VWA3B: variants seen among roughly 807,000 people sequenced by gnomAD.
VWA3B encodes the protein von Willebrand factor A domain-containing protein 3B.
A neutral mutation model predicts 158.3 loss-of-function variants in VWA3B; 138 were observed. The ratio of observed to expected loss-of-function variants is 0.87; its 90% CI spans 0.76 to 1.00. The LOEUF is 1.00. Ranked by LOEUF, VWA3B falls within the 50% of genes least tolerant of loss-of-function variation. The pLI, the probability that VWA3B is intolerant of heterozygous loss-of-function variation, is 0.00. For synonymous variants in VWA3B, 596 were observed against 587.3 expected (o/e 1.01, Z -0.21); for missense variants, 1,555 against 1,565.1 (o/e 0.99, Z 0.11).
chr2:98,149,444 AG>A, intron 7 of VWA3B, among the ~76,000 whole-genome samples: 1 of 152,284 alleles, frequency 6.6e-6, no homozygotes, highest in Non-Finnish European at 1.5e-5. Context: ...CACCCTCTAG[AG>A]GTTTCTCATT....
At chr2:98,244,375 A>G (rs1468089421) in intron 19 of VWA3B, among the ~76,000 whole-genome samples, 2 of 151,974 alleles carry the variant, frequency 1.3e-5, no homozygotes, top group Non-Finnish European at 2.9e-5. Context: ...TGGTATTTCA[A>G]TTTCAATTTC....
intron 15 of VWA3B, among the ~76,000 whole-genome samples, chr2:98,228,720 G>A (rs1329156210): frequency 1.6e-4 from 25 of 152,236 alleles, no homozygotes; most frequent in Non-Finnish European, 7.4e-5. Context: ...TCTCCATTGC[G>A]TGGGTCTCTG....
chr2:98,210,635 T>A lies in VWA3B; in HGVS notation c.1738-1295T>A, dbSNP rs1482708002. Reference sequence around the variant, plus strand: ...GTCTGAGAAAGTCTTAATGGGAGAGTGCCCATGGTATATGGTGAGGCCTGA... The same window carrying A: ...GTCTGAGAAAGTCTTAATGGGAGAGAGCCCATGGTATATGGTGAGGCCTGA... On this transcript the variant is annotated intron_variant, in intron 12 of 27. Transcript: ENST00000477737. 3.3e-5 allele frequency among the ~76,000 whole-genome samples: 5 copies of A among 152,092 alleles called. No individual in the cohort carries two copies. The East Asian group carries it at 9.7e-4, about 29-fold the overall frequency.
intron 22 of VWA3B, among the ~76,000 whole-genome samples, chr2:98,276,906 C>T (rs540548118): frequency 1.3e-5 from 2 of 152,294 alleles, no homozygotes; most frequent in East Asian, 3.9e-4. Context: ...TTGCCGATTC[C>T]TAAGTTTGGG....
chr2:98,153,551 A>G lies in VWA3B; in HGVS notation c.989-9300A>G, dbSNP rs534062160. ...AAAATAACCAAGTCATGTTCCTGGC[A>G]GACACCTGTGATCTCTAATTAGGTA... On this transcript the variant is annotated intron_variant, in intron 7 of 27. Coordinates refer to ENST00000477737, the MANE Select transcript of VWA3B (RefSeq NM_144992.5). Among the ~76,000 whole-genome samples, 118 of 152,356 alleles carry G rather than the reference A, an allele frequency of 7.7e-4. 1 individual carries two copies. The highest frequency in any genetic ancestry group is 2.5e-3 in the African/African-American group (105 of 41,580).
chr2:98,283,963 G>T (rs1264813528), intron 22 of VWA3B, among the ~76,000 whole-genome samples: 6 of 152,182 alleles, frequency 3.9e-5, no homozygotes, highest in African/African-American at 1.4e-4. Flanking sequence ...GCATTAGAAA[G>T]AATGCTTAGG....
At chr2:98,104,711 A>G (rs1479599803) in intron 2 of VWA3B, among the ~76,000 whole-genome samples, 3 of 152,228 alleles carry the variant, frequency 2.0e-5, no homozygotes, top group Non-Finnish European at 4.4e-5. Context: ...TATTTGTCCA[A>G]TCTTTTTCTT....
rs1319541965 is a variant in VWA3B at position 98,135,353 on chromosome 2, T to G, written c.988+1414T>G. Among the ~76,000 whole-genome samples, 5 of 78,504 alleles carry G rather than the reference T, an allele frequency of 6.4e-5. No individual in the cohort carries two copies. In the East Asian group the frequency reaches 1.6e-3, roughly 26 times the overall value. The allele number at this position is 78,504 out of a possible 152,430, so 51.5% of individuals were successfully genotyped here. A position where few individuals can be genotyped will look rare whatever the true frequency, so the allele number is the denominator to read the frequency against. ...TTTTTTTTTTTTTTTTTTTTTTTTTTGAGACAGAGTCTCGCTCTGTCGCCC... is the reference window on the plus strand; with the variant it reads ...TTTTTTTTTTTTTTTTTTTTTTTTTGGAGACAGAGTCTCGCTCTGTCGCCC... On this transcript the variant is annotated intron_variant, in intron 7 of 27. Transcript: ENST00000477737.
intron 21 of VWA3B, 120 bp downstream of exon 21, chr2:98,256,294 C>T (rs1687141341): frequency 8.7e-7 from 1 of 1,149,174 alleles, no homozygotes; most frequent in East Asian, 2.4e-5. Flanking sequence ...TTCTGCAAAC[C>T]ACTACCTTTT....
At chr2:98,308,458 T>C (rs6742930) in intron 26 of VWA3B, among the ~76,000 whole-genome samples, 65,782 of 152,080 alleles carry the variant, frequency 0.43, 14,722 homozygotes, top group Non-Finnish European at 0.5. Flanking sequence ...TTTGAGAACA[T>C]ATGTGTAGTT....
At chr2:98,142,838 A>G (rs985759862) in intron 7 of VWA3B, among the ~76,000 whole-genome samples, 24 of 152,170 alleles carry the variant, frequency 1.6e-4, no homozygotes, top group African/African-American at 5.3e-4. Context: ...GCAGCTCTAG[A>G]GTACGATTGG....
the VWA3B span, among the ~76,000 whole-genome samples, chr2:98,326,947 G>C: frequency 6.6e-6 from 1 of 151,106 alleles, no homozygotes; most frequent in Non-Finnish European, 1.5e-5. Context: ...TAAGAATTCT[G>C]ACCTCTGGAA....
chr2:98,270,492 G>A (rs1017853075), intron 21 of VWA3B, among the ~76,000 whole-genome samples, 190 bp from the exon 22 acceptor site: 1 of 152,206 alleles, frequency 6.6e-6, no homozygotes, highest in African/African-American at 2.4e-5. Flanking sequence ...ACCTTTGCAA[G>A]CTACCAAAGT....
chr2:98,200,025 G>C (rs562239221), intron 12 of VWA3B, among the ~76,000 whole-genome samples: 6 of 152,158 alleles, frequency 3.9e-5, no homozygotes, highest in Admixed American at 6.5e-5. Flanking sequence ...GATGTTGTCA[G>C]GTTGTTTTAT....
chr2:98,148,242 C>T (rs1485696631), intron 7 of VWA3B, among the ~76,000 whole-genome samples: 1 of 152,198 alleles, frequency 6.6e-6, no homozygotes, highest in East Asian at 1.9e-4. Context: ...ACCCATTTCA[C>T]AGAACCTGAA....
chr2:98,257,815 T>C (rs1273719732), intron 21 of VWA3B, among the ~76,000 whole-genome samples: 1 of 152,042 alleles, frequency 6.6e-6, no homozygotes, highest in Non-Finnish European at 1.5e-5. Context: ...GGTTATCTTT[T>C]CGTATTCTTC....
At chr2:98,231,492 A>G (rs1370326940) in intron 16 of VWA3B, among the ~76,000 whole-genome samples, 1 of 152,208 alleles carries the variant, frequency 6.6e-6, no homozygotes, top group Non-Finnish European at 1.5e-5. Flanking sequence ...GTGCAAAATT[A>G]ACTCAATGGA....
At chr2:98,182,745 C>G (rs1680699424) in intron 9 of VWA3B, among the ~76,000 whole-genome samples, 2 of 151,876 alleles carry the variant, frequency 1.3e-5, no homozygotes, top group Non-Finnish European at 2.9e-5. Context: ...CATGGTGAAA[C>G]CCCATCTCTA....
chr2:98,185,017 C>T (rs1158612898), intron 9 of VWA3B, among the ~76,000 whole-genome samples: 1 of 152,154 alleles, frequency 6.6e-6, no homozygotes, highest in African/African-American at 2.4e-5. Context: ...CTTCCAATAC[C>T]CCAACCTCTC....
Sources: allele counts gnomAD v4.1 joint callset (sites outside exome capture counted in the v4.1 genomes callset), GRCh38; gene constraint gnomAD v4.1.1; transcripts MANE v1.5; gene names NCBI Gene and HGNC (gene_info 2026-07-23, HGNC 2026-07-21).